HMCN1: variants seen among roughly 807,000 people sequenced by gnomAD.
HMCN1 encodes hemicentin-1.
HMCN1 carries 321 observed loss-of-function variants against 625.9 expected under a neutral mutation model. The ratio of observed to expected loss-of-function variants is 0.51; its 90% CI spans 0.47 to 0.56. The LOEUF (loss-of-function observed/expected upper bound fraction) is 0.56, where lower values mean the gene tolerates loss of function less well. Among genes scored for constraint, HMCN1 ranks in the 20% least tolerant of loss-of-function variants. The pLI is 0.00. For synonymous variants in HMCN1, 2,425 were observed against 2,417.6 expected, an observed-to-expected ratio of 1.00 and a Z score of -0.09; for missense variants, 6,588 against 6,887.3, an observed-to-expected ratio of 0.96 and a Z score of 1.54.
chr1:186,141,858 G>A (rs1008262401), intron 89 of HMCN1, among the ~76,000 whole-genome samples: 4 of 152,182 alleles, frequency 2.6e-5, no homozygotes, highest in Admixed American at 6.5e-5. Context: ...AGTTATTCAA[G>A]CCCAGAGTGT....
At position 186,115,352 on chromosome 1, in the gene HMCN1, A is replaced by G. The variant is rs761902664; in HGVS notation, c.11499A>G (p.Pro3833=). The change falls in exon 75 of 107, where the codon CCA becomes CCG. Residue 3833 remains proline, a synonymous_variant. Transcript: ENST00000271588. The stretch of plus-strand genomic sequence containing the variant: ...GTGAGGCTACTGGGATACCAAAACC[A>G]TCAATCAATTGGAGAAAAAATGGGC... The part of the protein sequence containing the change: ...LACEATGIPK[P]SINWRKNGHL... 5 of 1,614,028 alleles carry G rather than the reference A, an allele frequency of 3.1e-6. No individual in the cohort carries two copies. The highest frequency in any genetic ancestry group is 2.2e-5 in the East Asian group (1 of 44,860).
At chr1:186,033,068 A>G (rs984564670) in intron 36 of HMCN1, among the ~76,000 whole-genome samples, 14 of 149,028 alleles carry the variant, frequency 9.4e-5, no homozygotes, top group Non-Finnish European at 1.0e-4. Flanking sequence ...ACACACGCAC[A>G]CACACACACA....
intron 22 of HMCN1, among the ~76,000 whole-genome samples, chr1:185,992,547 T>C (rs536301995): frequency 3.3e-5 from 5 of 152,292 alleles, no homozygotes; most frequent in African/African-American, 1.2e-4. Context: ...ACCTCTGATG[T>C]TACATATTAC....
chr1:185,914,028 G>GT (rs1666569095), intron 6 of HMCN1, among the ~76,000 whole-genome samples: 1 of 152,056 alleles, frequency 6.6e-6, no homozygotes, highest in Non-Finnish European at 1.5e-5. Context: ...TATCTTAAAT[G>GT]TTTATCTAGC....
chr1:186,087,957 G>T lies in HMCN1; in HGVS notation c.9389G>T (p.Cys3130Phe). Residue 3130 changes from cysteine (C) to phenylalanine (F), a missense_variant, in exon 61 of 107, where the codon TGT becomes TTT. Physicochemically the swap from Cys to Phe is radical, Grantham distance 205. Transcript: ENST00000271588. ...AEVSDTGQYV[C>F]RAINVAGRDD... ...GTATCTGACACAGGCCAGTATGTATGTAGAGCTATAAATGTAGCAGGACGG... is the reference window on the plus strand; with the variant it reads ...GTATCTGACACAGGCCAGTATGTATTTAGAGCTATAAATGTAGCAGGACGG... The T allele has an allele frequency of 1.9e-6, 3 of 1,613,058 alleles. No individual in the cohort carries two copies. In the South Asian group the frequency reaches 3.3e-5, roughly 18 times the overall value.
At position 186,020,290 on chromosome 1, in the gene HMCN1, A is replaced by G. The variant is rs576921434; in HGVS notation, c.5625+595A>G. 5.3e-5 allele frequency among the ~76,000 whole-genome samples: 8 copies of G among 150,688 alleles called. No individual in the cohort carries two copies. The East Asian group carries it at 7.8e-4, about 15-fold the overall frequency. On this transcript the variant is annotated intron_variant, in intron 35 of 106. Coordinates refer to ENST00000271588, the MANE Select transcript of HMCN1 (RefSeq NM_031935.3). ...AGATGATAGATTTCAAATCTGGATA[A>G]TCTAAAGGATACATTTGAAATCAGA...
chr1:185,818,214 G>A lies in HMCN1; in HGVS notation c.269-27812G>A, dbSNP rs1045701665. Among the ~76,000 whole-genome samples the A allele has an allele frequency of 3.3e-5, 5 of 152,042 alleles. No individual in the cohort carries two copies. The East Asian group carries it at 9.6e-4, about 29-fold the overall frequency. ...AATCAATCATTCCAAGCCTCACTGT[G>A]GCATCCTTGAAATTGATTACCTAAG... On this transcript the variant is annotated intron_variant, in intron 1 of 106. Transcript: ENST00000271588.
chr1:186,035,368 T>G (rs2102214304), intron 36 of HMCN1, among the ~76,000 whole-genome samples: 1 of 152,284 alleles, frequency 6.6e-6, no homozygotes. Context: ...ACAGACTTTA[T>G]TTTAGACTTT....
chr1:186,055,332 A>G lies in HMCN1; in HGVS notation c.6863-61A>G. ...TTAAGTTTGGCTGATGAAAATTCCT[A>G]TGTAAGACTTGAAGCAAACATTTCC... is the stretch of plus-strand genomic sequence containing the variant. On this transcript the variant is annotated intron_variant, in intron 44 of 106. Transcript: ENST00000271588. 4 of 1,488,080 alleles carry G rather than the reference A, an allele frequency of 2.7e-6. No individual in the cohort carries two copies. The South Asian group carries it at 3.4e-5, about 13-fold the overall frequency. 92.2% of individuals were successfully genotyped at this position (1,488,080 alleles called of 1,614,324 possible).
chr1:186,189,573 G>A lies in HMCN1; in HGVS notation c.16603G>A (p.Glu5535Lys), dbSNP rs1254095288. The change falls in exon 107 of 107, where the codon GAA becomes AAA. Residue 5535 changes from glutamate to lysine, a missense_variant. Coordinates refer to ENST00000271588, the MANE Select transcript of HMCN1 (RefSeq NM_031935.3). ...ATGTGCCTTGAGCCCATATGCCTTG[G>A]AATACAAACTCGTCTCCCTCCCATT... The part of the protein sequence containing the change: ...LECALSPYAL[E>K]YKLVSLPFGI... 1.2e-6 allele frequency: 2 copies of A among 1,613,536 alleles called. No individual in the cohort carries two copies. Among genetic ancestry groups the A allele is most frequent in the African/African-American group, 2.7e-5 (2 of 74,878 alleles).
intron 20 of HMCN1, among the ~76,000 whole-genome samples, chr1:185,987,834 G>C (rs1652104913): frequency 6.6e-6 from 1 of 151,758 alleles, no homozygotes; most frequent in African/African-American, 2.4e-5. Flanking sequence ...GTGGCCTTCT[G>C]GGGCTTTGGA....
intron 1 of HMCN1, among the ~76,000 whole-genome samples, chr1:185,836,063 T>C (rs1193487816): frequency 6.6e-6 from 1 of 152,178 alleles, no homozygotes; most frequent in Non-Finnish European, 1.5e-5. Flanking sequence ...AGACTCGAAA[T>C]ACTTAAAATA....
intron 19 of HMCN1, among the ~76,000 whole-genome samples, chr1:185,985,077 A>C (rs758348009): frequency 6.6e-6 from 1 of 152,210 alleles, no homozygotes; most frequent in Non-Finnish European, 1.5e-5. Context: ...TGGAGAGTCC[A>C]GTAGTTTTCC....
chr1:186,062,070 AC>A (rs1270670125), intron 47 of HMCN1, 106 bp downstream of exon 47: 5 of 687,988 alleles, frequency 7.3e-6, no homozygotes, highest in African/African-American at 5.4e-5. Flanking sequence ...TGTTATTTAG[AC>A]CCTGGACTGT....
chr1:186,088,296 T>G lies in HMCN1; in HGVS notation c.9577+20T>G, dbSNP rs185231089. 773 of 1,611,546 alleles carry G rather than the reference T, an allele frequency of 4.8e-4. 7 individuals carry two copies. In the East Asian group the frequency reaches 0.012, roughly 24 times the overall value. On this transcript the variant is annotated intron_variant, in intron 62 of 106. Coordinates refer to ENST00000271588, the MANE Select transcript of HMCN1 (RefSeq NM_031935.3). ...GCATAGGTAAGGCAACCATGCATTT[T>G]TGTGTGTGTGTGTGTTTTTTTCTCT...
At chr1:185,952,701 G>C (rs552731004) in intron 11 of HMCN1, among the ~76,000 whole-genome samples, 2 of 151,728 alleles carry the variant, frequency 1.3e-5, no homozygotes, top group Non-Finnish European at 2.9e-5. Context: ...TAGGTCAGGT[G>C]AGAGTTGAAG....
At chr1:186,043,546 AGTCTTGAATTGCTTC>A (rs1656351121) in intron 40 of HMCN1, among the ~76,000 whole-genome samples, 1 of 152,194 alleles carries the variant, frequency 6.6e-6, no homozygotes. Flanking sequence ...AGCATTCTGT[AGTCTTGAATTGCTTC>A]CGACTTTCAC....
chr1:185,753,693 A>T (rs1654955299), intron 1 of HMCN1, among the ~76,000 whole-genome samples: 1 of 152,066 alleles, frequency 6.6e-6, no homozygotes, highest in African/African-American at 2.4e-5. Flanking sequence ...AACATTTCTT[A>T]TTTAAGAGTA....
intron 52 of HMCN1, among the ~76,000 whole-genome samples, chr1:186,073,571 C>A (rs568994709): frequency 9.2e-5 from 14 of 152,034 alleles, no homozygotes; most frequent in African/African-American, 3.1e-4. Flanking sequence ...TGCCCTTGAC[C>A]AGCAAATTCT....
Sources: allele counts gnomAD v4.1 joint callset (sites outside exome capture counted in the v4.1 genomes callset), GRCh38; gene constraint gnomAD v4.1.1; transcripts MANE v1.5; gene names NCBI Gene and HGNC (gene_info 2026-07-23, HGNC 2026-07-21).